The following CNTN6 variants were observed in gnomAD, a reference collection of about 807,000 sequenced individuals.
CNTN6 encodes contactin-6.
A neutral mutation model predicts 122.8 loss-of-function variants in CNTN6; 137 were observed. The ratio of observed to expected loss-of-function variants is 1.12; its 90% CI spans 0.97 to 1.29. CNTN6 has a LOEUF of 1.29. Among genes scored for constraint, CNTN6 ranks in the 50% most tolerant of loss-of-function variants. The pLI, the probability that CNTN6 is intolerant of heterozygous loss-of-function variation, is 0.00. For synonymous variants in CNTN6, 570 were observed against 426.0 expected, an observed-to-expected ratio of 1.34 and a Z score of -4.16; for missense variants, 1,634 against 1,223.4, an observed-to-expected ratio of 1.34 and a Z score of -5.01.
intron 11 of CNTN6, among the ~76,000 whole-genome samples, chr3:1,339,064 C>G (rs1295336196): frequency 6.7e-6 from 1 of 148,884 alleles, no homozygotes; most frequent in Non-Finnish European, 1.5e-5. Flanking sequence ...TCAGAGCACT[C>G]TTTTTTTTTT....
intron 2 of CNTN6, among the ~76,000 whole-genome samples, chr3:1,160,871 A>C (rs1490060109): frequency 6.6e-6 from 1 of 152,086 alleles, no homozygotes; most frequent in Non-Finnish European, 1.5e-5. Flanking sequence ...AAGTCGTTTA[A>C]ACACAGCTAT....
chr3:1,268,268 T>C (rs2094958150), intron 4 of CNTN6, among the ~76,000 whole-genome samples: 1 of 152,090 alleles, frequency 6.6e-6, no homozygotes, highest in African/African-American at 2.4e-5. Context: ...TCACTAACCA[T>C]CAGTCTAACA....
chr3:1,327,705 G>A, intron 10 of CNTN6, 119 bp downstream of exon 10: 1 of 1,016,992 alleles, frequency 9.8e-7, no homozygotes, highest in Non-Finnish European at 1.4e-6. Flanking sequence ...CAAATAATGG[G>A]AAATGTCTAA....
At position 1,382,038 on chromosome 3, in the gene CNTN6, G is replaced by C. The variant is rs73094998; in HGVS notation, c.2167-904G>C. Reference sequence around the variant, plus strand: ...AGAGAACCTCTGAAATGGAGTTGTGGACATGAGGGACTAGAAGCACTGTGT... The same window carrying C: ...AGAGAACCTCTGAAATGGAGTTGTGCACATGAGGGACTAGAAGCACTGTGT... On this transcript the variant is annotated intron_variant, in intron 17 of 22. Transcript: ENST00000446702. 3.6e-3 allele frequency among the ~76,000 whole-genome samples: 552 copies of C among 151,922 alleles called. 24 individuals carry two copies. The highest frequency in any genetic ancestry group is 0.033 in the Admixed American group (500 of 15,266).
chr3:1,251,921 T>G (rs919465402), intron 4 of CNTN6, among the ~76,000 whole-genome samples: 1 of 152,160 alleles, frequency 6.6e-6, no homozygotes, highest in African/African-American at 2.4e-5. Context: ...AGGATGGACT[T>G]TGGCTGTACT....
intron 4 of CNTN6, among the ~76,000 whole-genome samples, chr3:1,231,977 C>T (rs1157373485): frequency 6.6e-6 from 1 of 152,110 alleles, no homozygotes; most frequent in African/African-American, 2.4e-5. Flanking sequence ...GAACTTAGAC[C>T]TCTTCCTTTT....
At chr3:1,219,483 C>T (rs1301294929) in intron 2 of CNTN6, among the ~76,000 whole-genome samples, 1 of 152,140 alleles carries the variant, frequency 6.6e-6, no homozygotes, top group Non-Finnish European at 1.5e-5. Context: ...CCAATTTTTA[C>T]TGCTTTTATT....
At chr3:1,237,640 C>G (rs2094437952) in intron 4 of CNTN6, among the ~76,000 whole-genome samples, 1 of 152,122 alleles carries the variant, frequency 6.6e-6, no homozygotes, top group Middle Eastern at 3.2e-3. Flanking sequence ...CTCTTAATAG[C>G]TATGAGACAA....
chr3:1,243,924 G>A (rs939278571), intron 4 of CNTN6, among the ~76,000 whole-genome samples: 6 of 152,018 alleles, frequency 3.9e-5, no homozygotes, highest in African/African-American at 4.8e-5. Flanking sequence ...GGGGACAGGC[G>A]GGAGGGAAAG....
chr3:1,268,436 T>A (rs540264650), intron 4 of CNTN6, among the ~76,000 whole-genome samples: 1 of 151,840 alleles, frequency 6.6e-6, no homozygotes, highest in Non-Finnish European at 1.5e-5. Context: ...TGAAACCCCG[T>A]CTCTACTAAA....
intron 7 of CNTN6, among the ~76,000 whole-genome samples, chr3:1,310,998 C>G (rs533581201): frequency 6.6e-6 from 1 of 152,002 alleles, no homozygotes; most frequent in East Asian, 1.9e-4. Flanking sequence ...GCAGGAGAAC[C>G]AGAGTTCTAG....
At chr3:1,160,344 GTATATA>G (rs56703431) in intron 2 of CNTN6, among the ~76,000 whole-genome samples, 23,757 of 111,144 alleles carry the variant, frequency 0.21, 3,453 homozygotes, top group East Asian at 0.42. Context: ...TACTTTTACT[GTATATA>G]TATATATATA....
intron 11 of CNTN6, among the ~76,000 whole-genome samples, chr3:1,349,492 G>GT (rs1705286220): frequency 6.6e-6 from 1 of 151,504 alleles, no homozygotes; most frequent in Non-Finnish European, 1.5e-5. Context: ...TTGAGATAAA[G>GT]TATCTTTTTT....
At chr3:1,185,785 CTT>C (rs1006067513) in intron 2 of CNTN6, among the ~76,000 whole-genome samples, 1 of 152,070 alleles carries the variant, frequency 6.6e-6, no homozygotes, top group African/African-American at 2.4e-5. Context: ...CACTTTTCCC[CTT>C]TGTAACATTG....
chr3:1,203,157 C>T (rs1166549163), intron 2 of CNTN6, among the ~76,000 whole-genome samples: 1 of 152,062 alleles, frequency 6.6e-6, no homozygotes, highest in South Asian at 2.1e-4. Flanking sequence ...ACATTTATTT[C>T]TAAATAAGTT....
At chr3:1,218,802 G>A (rs1478122646) in intron 2 of CNTN6, among the ~76,000 whole-genome samples, 1 of 152,174 alleles carries the variant, frequency 6.6e-6, no homozygotes, top group East Asian at 1.9e-4. Context: ...AGTACGGTGA[G>A]CATCCTCATG....
chr3:1,388,171 C>G (rs967078142), intron 20 of CNTN6, among the ~76,000 whole-genome samples: 7 of 151,502 alleles, frequency 4.6e-5, no homozygotes, highest in Admixed American at 2.6e-4. Flanking sequence ...TGTCTGACAG[C>G]TTTGAAGAGA....
intron 1 of CNTN6, among the ~76,000 whole-genome samples, chr3:1,135,622 C>T (rs375256255): frequency 3.9e-5 from 6 of 152,160 alleles, no homozygotes; most frequent in Non-Finnish European, 8.8e-5. Context: ...ACTGTATATA[C>T]ACTACATATA....
intron 4 of CNTN6, among the ~76,000 whole-genome samples, chr3:1,263,984 C>T (rs1194204031): frequency 1.3e-5 from 2 of 151,254 alleles, no homozygotes; most frequent in Admixed American, 6.6e-5. Flanking sequence ...GCAGAAGAAA[C>T]AAGAAGACCA....
Sources: allele counts gnomAD v4.1 joint callset (sites outside exome capture counted in the v4.1 genomes callset), GRCh38; gene constraint gnomAD v4.1.1; transcripts MANE v1.5; gene names NCBI Gene and HGNC (gene_info 2026-07-23, HGNC 2026-07-21).